Variants in MAGI2 observed in about 807,000 individuals in gnomAD.
MAGI2 encodes membrane associated guanylate kinase, WW and PDZ domain containing 2.
In MAGI2, 35 loss-of-function variants were observed where a neutral mutation model predicts 133.3. The ratio of observed to expected loss-of-function variants is 0.26; its 90% CI spans 0.20 to 0.35. MAGI2 has a LOEUF of 0.35. Ranked by LOEUF, MAGI2 falls within the 10% of genes least tolerant of loss-of-function variation. The pLI is 1.00. For missense variants in MAGI2, 1,636 were observed against 1,863.4 expected (o/e 0.88, Z 2.25); for synonymous variants, 729 against 710.6 (o/e 1.03, Z -0.41).
intron 10 of MAGI2, among the ~76,000 whole-genome samples, chr7:78,235,089 T>C (rs1027270994): frequency 6.6e-6 from 1 of 152,198 alleles, no homozygotes; most frequent in East Asian, 1.9e-4. Flanking sequence ...AAGTCTCCAA[T>C]GAAAGATTCC....
intron 9 of MAGI2, among the ~76,000 whole-genome samples, chr7:78,341,687 C>G (rs1584937557): frequency 6.6e-6 from 1 of 152,112 alleles, no homozygotes; most frequent in Non-Finnish European, 1.5e-5. Context: ...TTTGACAAAC[C>G]TGAAGAAAAC....
At chr7:79,190,141 C>G (rs1384993500) in intron 1 of MAGI2, among the ~76,000 whole-genome samples, 2 of 151,672 alleles carry the variant, frequency 1.3e-5, no homozygotes, top group Non-Finnish European at 2.9e-5. Context: ...CTGATTAATA[C>G]CAAGGAGCAT....
chr7:78,668,155 AT>A (rs1813866647), intron 2 of MAGI2, among the ~76,000 whole-genome samples: 1 of 151,930 alleles, frequency 6.6e-6, no homozygotes, highest in Non-Finnish European at 1.5e-5. Flanking sequence ...GATGGTGAGC[AT>A]TTTTTCACGT....
At chr7:78,675,080 G>T (rs1330073274) in intron 2 of MAGI2, among the ~76,000 whole-genome samples, 2 of 152,134 alleles carry the variant, frequency 1.3e-5, no homozygotes, top group East Asian at 3.9e-4. Context: ...ATGACTGTCA[G>T]TAAGTAAATG....
At chr7:78,206,092 GGAGA>G (rs1829702549) in intron 10 of MAGI2, among the ~76,000 whole-genome samples, 1 of 152,106 alleles carries the variant, frequency 6.6e-6, no homozygotes, top group African/African-American at 2.4e-5. Context: ...GATCTGAAGT[GGAGA>G]TCCCCTCTCT....
intron 6 of MAGI2, among the ~76,000 whole-genome samples, chr7:78,386,952 A>G (rs1045674917): frequency 6.6e-6 from 1 of 152,186 alleles, no homozygotes; most frequent in African/African-American, 2.4e-5. Context: ...AATTGATACC[A>G]TTATTGGGTC....
intron 10 of MAGI2, among the ~76,000 whole-genome samples, chr7:78,206,246 G>A (rs1044066797): frequency 1.3e-5 from 2 of 150,990 alleles, no homozygotes; most frequent in Non-Finnish European, 2.9e-5. Context: ...TCATGATATC[G>A]TCAATTTGGC....
At chr7:78,912,563 A>T (rs958354467) in intron 2 of MAGI2, among the ~76,000 whole-genome samples, 1 of 151,918 alleles carries the variant, frequency 6.6e-6, no homozygotes. Flanking sequence ...CTTCCAGCCT[A>T]CATCTTTCTC....
rs75322687 is a variant in MAGI2 at position 78,202,879 on chromosome 7, T to C, written c.2048-1686A>G. Among the ~76,000 whole-genome samples the C allele has an allele frequency of 9.7e-3, 1,483 of 152,214 alleles. 31 individuals carry two copies. Among genetic ancestry groups the C allele is most frequent in the African/African-American group, 0.027 (1,117 of 41,534 alleles). On this transcript the variant is annotated intron_variant, in intron 10 of 21. Coordinates refer to ENST00000354212, the MANE Select transcript of MAGI2 (RefSeq NM_012301.4). ...CAATTAATAAAAAAATTCTGTTCAA[T>C]GTGTGGTTCATAAGGATTTAATCGC...
At chr7:78,457,496 G>C (rs10275455) in intron 6 of MAGI2, among the ~76,000 whole-genome samples, 39,246 of 152,016 alleles carry the variant, frequency 0.26, 5,107 homozygotes, top group Middle Eastern at 0.31. Flanking sequence ...GGAATAATAA[G>C]GTCTACTGAG....
chr7:78,944,965 C>A (rs1801297603), intron 2 of MAGI2, among the ~76,000 whole-genome samples: 1 of 152,068 alleles, frequency 6.6e-6, no homozygotes, highest in African/African-American at 2.4e-5. Context: ...TCTGGTACTC[C>A]TGGGCTCAGG....
intron 3 of MAGI2, among the ~76,000 whole-genome samples, chr7:78,547,373 T>C (rs1489177085): frequency 6.6e-6 from 1 of 152,220 alleles, no homozygotes; most frequent in Non-Finnish European, 1.5e-5. Flanking sequence ...CCTATCACCA[T>C]GCAGTTCATA....
In MAGI2 at chr7:78,018,270, TTATAA is replaced by T. The variant is rs746235908; in HGVS notation, c.*1040_*1044del. On this transcript the variant is annotated 3_prime_UTR_variant, in exon 22 of 22. Transcript: ENST00000354212. ...ATAAATTGATTGTAATTTTTTAATA[TTATAA>T]TCTGAGAAATATAAGACAAATACTC... The T allele has an allele frequency of 6.6e-6, 1 of 152,586 alleles. No homozygotes were observed. Among genetic ancestry groups the T allele is most frequent in the Non-Finnish European group, 1.5e-5 (1 of 68,040 alleles). 9.5% of individuals were successfully genotyped at this position (152,586 alleles called of 1,614,324 possible).
intron 7 of MAGI2, among the ~76,000 whole-genome samples, chr7:78,350,904 G>A (rs1009515505): frequency 6.6e-6 from 1 of 152,168 alleles, no homozygotes; most frequent in African/African-American, 2.4e-5. Context: ...TTCTCCTGGG[G>A]TTTTTGGAGA....
intron 2 of MAGI2, among the ~76,000 whole-genome samples, chr7:78,686,045 T>G (rs1161321100): frequency 6.6e-6 from 1 of 151,680 alleles, no homozygotes; most frequent in East Asian, 1.9e-4. Context: ...CTATTCACAT[T>G]GGAAGGTGTG....
intron 1 of MAGI2, among the ~76,000 whole-genome samples, chr7:79,266,359 C>T (rs1834457461): frequency 6.6e-6 from 1 of 151,576 alleles, no homozygotes; most frequent in African/African-American, 2.4e-5. Flanking sequence ...TTATCATGAG[C>T]TAAAGATACC....
chr7:78,652,757 T>C (rs538206703), intron 2 of MAGI2, among the ~76,000 whole-genome samples: 1 of 151,990 alleles, frequency 6.6e-6, no homozygotes, highest in Non-Finnish European at 1.5e-5. Context: ...CCAAAAGCAA[T>C]AGCAACAAAA....
At chr7:78,886,548 C>T (rs981680701) in intron 2 of MAGI2, among the ~76,000 whole-genome samples, 1 of 152,168 alleles carries the variant, frequency 6.6e-6, no homozygotes, top group South Asian at 2.1e-4. Context: ...CTTCTCTGGT[C>T]TATGTTTCCT....
At chr7:78,223,334 G>T (rs1438854879) in intron 10 of MAGI2, among the ~76,000 whole-genome samples, 1 of 151,894 alleles carries the variant, frequency 6.6e-6, no homozygotes, top group African/African-American at 2.4e-5. Flanking sequence ...TAAAAAAAAA[G>T]TGCTCTCACA....
Sources: allele counts gnomAD v4.1 joint callset (sites outside exome capture counted in the v4.1 genomes callset), GRCh38; gene constraint gnomAD v4.1.1; transcripts MANE v1.5; gene names NCBI Gene and HGNC (gene_info 2026-07-23, HGNC 2026-07-21).